Variants in TCF24 observed in about 807,000 individuals in gnomAD.
TCF24 encodes the protein transcription factor 24.
Under a neutral mutation model 9.3 loss-of-function variants are expected in TCF24, and 5 were observed. The ratio of observed to expected loss-of-function variants is 0.54; its 90% CI spans 0.28 to 1.13. The LOEUF (loss-of-function observed/expected upper bound fraction) is 1.13. TCF24 is among the 50% of genes most tolerant of loss of function. TCF24 has a pLI of 0.09. For synonymous variants in TCF24, 110 were observed against 115.8 expected (o/e 0.95, Z 0.32); for missense variants, 220 against 236.1 (o/e 0.93, Z 0.45).
intron 3 of TCF24, among the ~76,000 whole-genome samples, chr8:66,960,676 A>C (rs1005049723): frequency 6.6e-6 from 1 of 152,230 alleles, no homozygotes; most frequent in African/African-American, 2.4e-5. Context: ...AAATTACGCA[A>C]AATGGATTCT....
At chr8:66,953,004 G>T (rs1814082897) in intron 3 of TCF24, among the ~76,000 whole-genome samples, 1 of 135,502 alleles carries the variant, frequency 7.4e-6, no homozygotes, top group Non-Finnish European at 1.6e-5. Flanking sequence ...CACGTGAGAT[G>T]GGTTTCCTGA....
In TCF24 at chr8:66,947,491, G is replaced by A. The variant is rs1813982054; in HGVS notation, c.*560C>T. On this transcript the variant is annotated 3_prime_UTR_variant, in exon 4 of 4. Coordinates refer to ENST00000563496, the MANE Select transcript of TCF24 (RefSeq NM_001193502.2). Reference sequence around the variant, plus strand: ...CCCTCTAGGAAGGTGACCAAGCCCTGTCCTCTGAGCAAACCATTTCTAATA... The same window carrying A: ...CCCTCTAGGAAGGTGACCAAGCCCTATCCTCTGAGCAAACCATTTCTAATA... The A allele has an allele frequency of 6.6e-6, 1 of 152,256 alleles. No homozygotes were observed. The highest frequency in any genetic ancestry group is 1.5e-5 in the Non-Finnish European group (1 of 68,120). The allele number at this position is 152,256 out of a possible 1,614,324, so 9.4% of individuals were successfully genotyped here. A position where few individuals can be genotyped will look rare whatever the true frequency, so the allele number is the denominator to read the frequency against.
chr8:66,948,202 T>C lies in TCF24; in HGVS notation c.391-38A>G, dbSNP rs1372764783. On this transcript the variant is annotated intron_variant, in intron 3 of 3. Transcript: ENST00000563496. ...ATTTCAACAAGAATTCAAAAGTTAG[T>C]ATCTATGACATATATTAACATGGTC... The C allele has an allele frequency of 2.1e-6, 3 of 1,439,776 alleles. No homozygotes were observed. The Admixed American group carries it at 6.3e-5, about 30-fold the overall frequency. The allele number at this position is 1,439,776 out of a possible 1,614,324, so 89.2% of individuals were successfully genotyped here. A position where few individuals can be genotyped will look rare whatever the true frequency, so the allele number is the denominator to read the frequency against.
chr8:66,952,127 C>T (rs1275703032), intron 3 of TCF24, among the ~76,000 whole-genome samples: 1 of 147,624 alleles, frequency 6.8e-6, no homozygotes, highest in Non-Finnish European at 1.5e-5. Flanking sequence ...TATTTCTTGC[C>T]TTCTGCTAGC....
At chr8:66,957,234 C>T (rs1334698099) in intron 3 of TCF24, among the ~76,000 whole-genome samples, 9 of 150,654 alleles carry the variant, frequency 6.0e-5, no homozygotes, top group Admixed American at 2.7e-4. Flanking sequence ...CTGGCCAGCA[C>T]GGTGAAACCC....
At chr8:66,956,246 C>T (rs1336776285) in intron 3 of TCF24, among the ~76,000 whole-genome samples, 1 of 151,638 alleles carries the variant, frequency 6.6e-6, no homozygotes, top group Admixed American at 6.6e-5. Flanking sequence ...AGGTGGTGAG[C>T]CACCATGCCT....
At chr8:66,948,657 AT>A in intron 3 of TCF24, among the ~76,000 whole-genome samples, 1 of 74,700 alleles carries the variant, frequency 1.3e-5, no homozygotes, top group East Asian at 4.0e-4. Flanking sequence ...AGTGTCAACT[AT>A]CTATCTATCT....
chr8:66,950,720 T>C (rs891448229), intron 3 of TCF24, among the ~76,000 whole-genome samples: 4 of 152,182 alleles, frequency 2.6e-5, no homozygotes, highest in Non-Finnish European at 5.9e-5. Context: ...TTCCTACCCA[T>C]GAGCATGGAA....
At chr8:66,951,825 G>C (rs1458963150) in intron 3 of TCF24, among the ~76,000 whole-genome samples, 3 of 151,822 alleles carry the variant, frequency 2.0e-5, no homozygotes, top group Non-Finnish European at 4.4e-5. Context: ...AGTCTTGGGA[G>C]AGTGTATGTG....
At chr8:66,949,707 T>C (rs1296806531) in intron 3 of TCF24, among the ~76,000 whole-genome samples, 1 of 152,042 alleles carries the variant, frequency 6.6e-6, no homozygotes, top group African/African-American at 2.4e-5. Flanking sequence ...GTTGAACTAG[T>C]TTACAGTCCC....
chr8:66,955,130 C>G (rs1370735506), intron 3 of TCF24: 1 of 152,392 alleles, frequency 6.6e-6, no homozygotes, highest in Non-Finnish European at 1.5e-5. Flanking sequence ...TCGACATCAT[C>G]TAGCTCTAAC....
chr8:66,956,879 T>C (rs865882484), intron 3 of TCF24, among the ~76,000 whole-genome samples: 1 of 151,958 alleles, frequency 6.6e-6, no homozygotes, highest in African/African-American at 2.4e-5. Flanking sequence ...AAGAGTTAGA[T>C]TAGCTCATGA....
chr8:66,959,390 T>C (rs1234064188), intron 3 of TCF24, among the ~76,000 whole-genome samples: 5 of 152,254 alleles, frequency 3.3e-5, no homozygotes, highest in African/African-American at 1.2e-4. Context: ...ATAGTTAGGA[T>C]ATTTTAATTT....
rs1585938962 is a variant in TCF24, at chr8:66,946,960, C to A, written c.*1091G>T. 6.6e-6 allele frequency: 1 copy of A among 152,044 alleles called. No individual in the cohort carries two copies. The highest frequency in any genetic ancestry group is 1.5e-5 in the Non-Finnish European group (1 of 68,012). 9.4% of individuals were successfully genotyped at this position (152,044 alleles called of 1,614,324 possible). A position where few individuals can be genotyped will look rare whatever the true frequency, so the allele number is the denominator to read the frequency against. On this transcript the variant is annotated 3_prime_UTR_variant, in exon 4 of 4. Transcript: ENST00000563496. ...ACTTTGAAGAAGTTTTGATTTCATT[C>A]CTTAGGATAAAGATTCTTTTTAGCA...
At chr8:66,948,694 TCTATCTATCTA>T (rs1474769486) in intron 3 of TCF24, among the ~76,000 whole-genome samples, 10 of 151,030 alleles carry the variant, frequency 6.6e-5, no homozygotes, top group East Asian at 1.9e-4. Flanking sequence ...TATCTATCTA[TCTATCTATCTA>T]TTTTTTTTGA....
intron 3 of TCF24, among the ~76,000 whole-genome samples, chr8:66,949,146 C>T (rs1457894574): frequency 6.6e-6 from 1 of 150,682 alleles, no homozygotes; most frequent in African/African-American, 2.4e-5. Context: ...GGTACATGTG[C>T]ACATTGTGCA....
At chr8:66,951,629 C>T (rs1467887629) in intron 3 of TCF24, among the ~76,000 whole-genome samples, 1 of 152,120 alleles carries the variant, frequency 6.6e-6, no homozygotes, top group Non-Finnish European at 1.5e-5. Flanking sequence ...AGGGAGGATT[C>T]CCTCTTTTTC....
intron 3 of TCF24, among the ~76,000 whole-genome samples, chr8:66,957,807 T>C (rs1389003382): frequency 1.3e-5 from 2 of 149,362 alleles, no homozygotes; most frequent in East Asian, 2.0e-4. Context: ...CTAAATACAC[T>C]TGAAAGCAAA....
In TCF24 at chr8:66,949,193, C is replaced by T. The variant is rs1368737255; in HGVS notation, c.391-1029G>A. On this transcript the variant is annotated intron_variant, in intron 3 of 3. Transcript: ENST00000563496. Reference sequence around the variant, plus strand: ...TACGTATACATGTGCCATGCTGGTGCGCTGCACCCACTAACTCGTCATCTA... The same window carrying T: ...TACGTATACATGTGCCATGCTGGTGTGCTGCACCCACTAACTCGTCATCTA... Among the ~76,000 whole-genome samples the T allele has an allele frequency of 3.3e-5, 5 of 151,494 alleles. No homozygotes were observed. The East Asian group carries it at 5.8e-4, about 18-fold the overall frequency.
Sources: gnomAD v4.1 joint callset for allele counts (sites outside exome capture counted in the v4.1 genomes callset) on GRCh38, gnomAD v4.1.1 for gene constraint, MANE v1.5 for transcripts, NCBI Gene and HGNC (gene_info 2026-07-23, HGNC 2026-07-21) for gene names.